The following DPY19L1 variants were observed in gnomAD, a reference collection of about 807,000 sequenced individuals.
DPY19L1 encodes protein C-mannosyl-transferase DPY19L1.
A neutral mutation model predicts 96.9 loss-of-function variants in DPY19L1; 35 were observed. The observed-to-expected ratio is 0.36, with a 90% CI of 0.28 to 0.48. The LOEUF (loss-of-function observed/expected upper bound fraction) is 0.48, where lower values mean the gene tolerates loss of function less well. Among genes scored for constraint, DPY19L1 ranks in the 20% least tolerant of loss-of-function variants. The pLI, the probability that DPY19L1 is intolerant of heterozygous loss-of-function variation, is 0.99. For missense variants in DPY19L1, 521 were observed against 777.9 expected (o/e 0.67, Z 3.93); for synonymous variants, 205 against 252.6 (o/e 0.81, Z 1.79).
intron 1 of DPY19L1, among the ~76,000 whole-genome samples, chr7:35,024,104 G>A (rs1353239866): frequency 5.9e-5 from 9 of 151,930 alleles, no homozygotes; most frequent in East Asian, 1.9e-4. Context: ...CCAAAGTGCC[G>A]GGATAACAGG....
intron 21 of DPY19L1, among the ~76,000 whole-genome samples, chr7:34,932,858 C>T (rs1448806918): frequency 6.6e-6 from 1 of 152,080 alleles, no homozygotes; most frequent in African/African-American, 2.4e-5. Flanking sequence ...ATAATTGCAT[C>T]CCTTTTTATT....
At chr7:34,946,821 A>G (rs1442808678) in intron 15 of DPY19L1, among the ~76,000 whole-genome samples, 1 of 152,246 alleles carries the variant, frequency 6.6e-6, no homozygotes, top group Non-Finnish European at 1.5e-5. Context: ...TAAAATGGAG[A>G]TAACATTTGT....
intron 10 of DPY19L1, among the ~76,000 whole-genome samples, chr7:34,960,981 T>A (rs1304747056): frequency 6.6e-6 from 1 of 152,136 alleles, no homozygotes; most frequent in Admixed American, 6.6e-5. Flanking sequence ...AAAAAACCTA[T>A]CTGAGCAAAA....
At chr7:34,959,246 A>C (rs1784441024) in intron 10 of DPY19L1, among the ~76,000 whole-genome samples, 1 of 152,222 alleles carries the variant, frequency 6.6e-6, no homozygotes, top group Admixed American at 6.5e-5. Flanking sequence ...AGAAATAGGA[A>C]CGCTTTTACA....
intron 7 of DPY19L1, among the ~76,000 whole-genome samples, chr7:34,975,050 G>A (rs772497721): frequency 5.3e-5 from 8 of 151,824 alleles, no homozygotes; most frequent in Non-Finnish European, 5.9e-5. Context: ...CCCTCCCATC[G>A]GGCCTCCAAA....
intron 3 of DPY19L1, among the ~76,000 whole-genome samples, 164 bp downstream of exon 3, chr7:35,017,718 G>A (rs977632353): frequency 6.6e-5 from 10 of 151,982 alleles, no homozygotes; most frequent in African/African-American, 2.2e-4. Context: ...AAGACATAGT[G>A]AGTGGGGGTG....
At chr7:35,011,145 C>T (rs1020673107) in intron 5 of DPY19L1, among the ~76,000 whole-genome samples, 185 bp downstream of exon 5, 8 of 152,090 alleles carry the variant, frequency 5.3e-5, no homozygotes, top group South Asian at 2.1e-4. Context: ...AGCAGAGGTC[C>T]CTGAAATCAT....
rs141548415 is a variant in DPY19L1, at chr7:35,027,534, A to C, written c.299-8938T>G. ...AAGTGAGAAGCAAGATTGCTTTTAA[A>C]ATTCAGTCATGAAGGCCGGGCTCCA... On this transcript the variant is annotated intron_variant, in intron 1 of 21. Transcript: ENST00000638088. Among the ~76,000 whole-genome samples the C allele has an allele frequency of 2.8e-3, 431 of 152,146 alleles. 5 individuals carry two copies. The East Asian group carries it at 0.031, about 11-fold the overall frequency.
At chr7:34,940,634 A>T (rs1309937137) in intron 18 of DPY19L1, 1 of 191,854 alleles carries the variant, frequency 5.2e-6, no homozygotes, top group East Asian at 1.3e-4. Flanking sequence ...GTCTCTTGTT[A>T]AAAAATTAAG....
intron 7 of DPY19L1, among the ~76,000 whole-genome samples, chr7:34,984,753 T>C (rs1162616339): frequency 6.6e-6 from 1 of 152,154 alleles, no homozygotes; most frequent in Non-Finnish European, 1.5e-5. Context: ...CTAGTCATCA[T>C]CCTCTAGTGG....
chr7:34,972,407 C>A (rs1784742292), intron 8 of DPY19L1, among the ~76,000 whole-genome samples: 1 of 152,196 alleles, frequency 6.6e-6, no homozygotes, highest in South Asian at 2.1e-4. Flanking sequence ...CACTTAGGGA[C>A]AGATCGGATC....
chr7:34,969,936 G>A (rs949568756), intron 8 of DPY19L1, among the ~76,000 whole-genome samples: 2 of 152,198 alleles, frequency 1.3e-5, no homozygotes, highest in Non-Finnish European at 2.9e-5. Context: ...CAATAATGCA[G>A]AATAAGAGGT....
At chr7:35,017,839 A>G in intron 3 of DPY19L1, 43 bp downstream of exon 3, 1 of 1,420,976 alleles carries the variant, frequency 7.0e-7, no homozygotes, top group Non-Finnish European at 9.7e-7. Context: ...AAATGTTTTT[A>G]AATTCCTAAA....
chr7:34,938,136 T>C lies in DPY19L1; in HGVS notation c.1965-17A>G. The stretch of plus-strand genomic sequence containing the variant: ...GTTCTGGCTCTTTAAAGAAAAATAA[T>C]TGGGCATAAAATTTTCAAGACTAAA... On this transcript the variant is annotated splice_polypyrimidine_tract_variant and intron_variant, in intron 20 of 21. Transcript: ENST00000638088. The C allele has an allele frequency of 6.2e-7, 1 of 1,610,188 alleles. No individual in the cohort carries two copies. The highest frequency in any genetic ancestry group is 2.2e-5 in the East Asian group (1 of 44,832).
intron 6 of DPY19L1, among the ~76,000 whole-genome samples, chr7:35,001,147 G>T (rs1284580329): frequency 6.6e-6 from 1 of 152,190 alleles, no homozygotes; most frequent in Admixed American, 6.5e-5. Flanking sequence ...AGAGTTTAGA[G>T]CCTCGCACAT....
intron 6 of DPY19L1, among the ~76,000 whole-genome samples, chr7:35,001,486 G>C (rs570135794): frequency 6.6e-6 from 1 of 151,964 alleles, no homozygotes. Flanking sequence ...ACTCATTTAG[G>C]TGTTCTTCCC....
chr7:35,004,910 C>T (rs1281569274), intron 6 of DPY19L1, among the ~76,000 whole-genome samples: 1 of 152,120 alleles, frequency 6.6e-6, no homozygotes, highest in East Asian at 1.9e-4. Flanking sequence ...CTGTCTCCCC[C>T]AGGATGACTC....
At chr7:35,017,485 G>C (rs1310686740) in intron 3 of DPY19L1, among the ~76,000 whole-genome samples, 3 of 72,578 alleles carry the variant, frequency 4.1e-5, no homozygotes, top group Admixed American at 2.1e-4. Flanking sequence ...CTGGGCGACA[G>C]AGCGAGACTC....
chr7:34,939,297 T>C lies in DPY19L1; in HGVS notation c.1943A>G (p.His648Arg). 3 of 1,613,696 alleles carry C rather than the reference T, an allele frequency of 1.9e-6. No homozygotes were observed. The highest frequency in any genetic ancestry group is 2.5e-6 in the Non-Finnish European group (3 of 1,179,920). ...TGACCTCAAGCCTGCGTCTTCATAA[T>C]GTGGATGATTCACAATGGGCCGAAG... is the stretch of plus-strand genomic sequence containing the variant. ...SALRPIVNHP[H>R]YEDAGLRART... Residue 648 changes from histidine to arginine, a missense_variant, in exon 20 of 22, where the codon CAT becomes CGT. Coordinates refer to ENST00000638088, the MANE Select transcript of DPY19L1 (RefSeq NM_001366673.1).
Sources: gnomAD v4.1 joint callset for allele counts (sites outside exome capture counted in the v4.1 genomes callset) on GRCh38, gnomAD v4.1.1 for gene constraint, MANE v1.5 for transcripts, NCBI Gene and HGNC (gene_info 2026-07-23, HGNC 2026-07-21) for gene names.